Variants in COLGALT2 observed in about 807,000 individuals in gnomAD.
COLGALT2 encodes collagen beta(1-O)galactosyltransferase 2.
COLGALT2 carries 49 observed loss-of-function variants against 73.4 expected under a neutral mutation model. The observed-to-expected ratio is 0.67, with a 90% CI of 0.53 to 0.85. COLGALT2 has a LOEUF of 0.85. COLGALT2 is among the 40% of genes least tolerant of loss of function. The pLI is 0.00. For synonymous variants in COLGALT2, 295 were observed against 307.6 expected (o/e 0.96, Z 0.43); for missense variants, 722 against 790.2 (o/e 0.91, Z 1.03).
intron 8 of COLGALT2, chr1:183,945,774 G>T: frequency 1.7e-6 from 1 of 586,984 alleles, no homozygotes; most frequent in Non-Finnish European, 3.0e-6. Flanking sequence ...ATATTTTTGT[G>T]TATCCCTCAT....
At chr1:183,976,873 T>G (rs2102818602) in intron 2 of COLGALT2, among the ~76,000 whole-genome samples, 1 of 152,314 alleles carries the variant, frequency 6.6e-6, no homozygotes, top group Middle Eastern at 3.4e-3. Context: ...AGAATAGGTT[T>G]CTATAGTAGG....
Position 183,936,420 on chromosome 1 carries a change from T to C in COLGALT2, c.*2341A>G. On this transcript the variant is annotated 3_prime_UTR_variant, in exon 12 of 12. Transcript: ENST00000361927. ...AACCGGGCTAAAGGAGACAGAACTT[T>C]CTTCACAGTAGAACAGTCCTAGTCT... 1 of 986,362 alleles carries C rather than the reference T, an allele frequency of 1.0e-6. No homozygotes were observed. Among genetic ancestry groups the C allele is most frequent in the South Asian group, 4.7e-5 (1 of 21,278 alleles). 61.1% of individuals were successfully genotyped at this position (986,362 alleles called of 1,614,324 possible). A position where few individuals can be genotyped will look rare whatever the true frequency, so the allele number is the denominator to read the frequency against.
intron 8 of COLGALT2, 77 bp from the exon 9 acceptor site, chr1:183,945,641 GT>G: frequency 1.3e-6 from 2 of 1,537,212 alleles, no homozygotes; most frequent in Non-Finnish European, 1.8e-6. Context: ...GAGAGAGTTA[GT>G]TCTGCAAACA....
intron 6 of COLGALT2, 127 bp from the exon 7 acceptor site, chr1:183,954,965 G>T: frequency 1.4e-6 from 1 of 714,018 alleles, no homozygotes. Context: ...GACAATGGCA[G>T]CAGTTCTCCA....
chr1:183,939,908 G>A (rs1670062070), intron 11 of COLGALT2, among the ~76,000 whole-genome samples: 1 of 152,224 alleles, frequency 6.6e-6, no homozygotes, highest in Non-Finnish European at 1.5e-5. Flanking sequence ...AGAGGCATAA[G>A]ACTGTTACTG....
rs765233690 is a variant in COLGALT2, at chr1:183,975,142, C to T, written c.447G>A (p.Gln149=). The T allele has an allele frequency of 4.3e-6, 7 of 1,614,122 alleles. No homozygotes were observed. In the Admixed American group the frequency reaches 1.2e-4, roughly 27 times the overall value. The change falls in exon 3 of 12, where the codon CAG becomes CAA. Residue 149 remains glutamine (Q), a synonymous_variant. Coordinates refer to ENST00000361927, the MANE Select transcript of COLGALT2 (RefSeq NM_015101.4). ...SRFAHVMKLR[Q]AALRTAREKW... ...TTTCCCTCGCAGTTCGAAGGGCTGC[C>T]TGTCGTAGTTTCATCACATGGGCAA... is the stretch of plus-strand genomic sequence containing the variant.
At chr1:184,031,904 T>C (rs537232036) in intron 1 of COLGALT2, among the ~76,000 whole-genome samples, 136 of 152,044 alleles carry the variant, frequency 8.9e-4, no homozygotes, top group African/African-American at 3.1e-3. Flanking sequence ...TTTTCCTTTT[T>C]CTTTTCTTTT....
chr1:183,943,650 A>G (rs11803131), intron 10 of COLGALT2, among the ~76,000 whole-genome samples: 49,288 of 151,960 alleles, frequency 0.32, 8,254 homozygotes, highest in East Asian at 0.58. Context: ...TTCCTGCATC[A>G]GCCTCAGACC....
chr1:183,969,741 G>A (rs76678383), intron 4 of COLGALT2, among the ~76,000 whole-genome samples: 2,895 of 152,262 alleles, frequency 0.019, 101 homozygotes, highest in African/African-American at 0.066. Context: ...TCATAAAAGT[G>A]TATTTTATGT....
rs766738828 is a variant in COLGALT2, at chr1:184,017,417, A to T, written c.263+19678T>A. Among the ~76,000 whole-genome samples the T allele has an allele frequency of 2.0e-5, 3 of 152,120 alleles. No individual in the cohort carries two copies. In the East Asian group the frequency reaches 5.8e-4, roughly 29 times the overall value. On this transcript the variant is annotated intron_variant, in intron 1 of 11. Transcript: ENST00000361927. The stretch of plus-strand genomic sequence containing the variant: ...ATTGTTGTTTCTCCTCCGGCCCTCA[A>T]TTACTTTTGATACCAGCCAGACGGC...
At chr1:183,959,927 G>A (rs1381155044) in intron 6 of COLGALT2, among the ~76,000 whole-genome samples, 3 of 152,008 alleles carry the variant, frequency 2.0e-5, no homozygotes, top group Admixed American at 2.0e-4. Flanking sequence ...GTCTTTACAT[G>A]TGCTGTTCTT....
chr1:183,972,251 G>A (rs1235420822), intron 4 of COLGALT2, among the ~76,000 whole-genome samples: 1 of 152,172 alleles, frequency 6.6e-6, no homozygotes, highest in East Asian at 1.9e-4. Flanking sequence ...AACTATAGGT[G>A]TGCACGACAC....
chr1:183,970,481 C>T (rs1671007207), intron 4 of COLGALT2, among the ~76,000 whole-genome samples: 1 of 152,216 alleles, frequency 6.6e-6, no homozygotes, highest in South Asian at 2.1e-4. Context: ...TCAGCATCCA[C>T]ACATAAGGTG....
At chr1:183,944,704 G>A (rs1670204591) in intron 9 of COLGALT2, among the ~76,000 whole-genome samples, 1 of 152,162 alleles carries the variant, frequency 6.6e-6, no homozygotes, top group Non-Finnish European at 1.5e-5. Flanking sequence ...GTGCTTGTGG[G>A]ATGCTGGTTA....
chr1:184,013,556 A>G (rs1010443445), intron 1 of COLGALT2, among the ~76,000 whole-genome samples: 1 of 152,184 alleles, frequency 6.6e-6, no homozygotes, highest in Non-Finnish European at 1.5e-5. Context: ...TTGCAGCATG[A>G]GGGAAGAATG....
In COLGALT2 at chr1:183,969,451, T is replaced by C. The variant is rs1670976819; in HGVS notation, c.650A>G (p.Asp217Gly). ...CTTCCATTCTCGAATCTGAACGTAG[T>C]CTGGGGTCCTCTTATAGAAGCCCTG... ...TPKGFYKRTP[D>G]YVQIREWKRT... is the part of the protein sequence containing the mutation. The change falls in exon 5 of 12, where the codon GAC (aspartate) becomes GGC (glycine). Residue 217 changes from aspartate to glycine, a missense_variant. Asp to Gly is a moderately conservative substitution (Grantham distance 94, BLOSUM62 -1). Coordinates refer to ENST00000361927, the MANE Select transcript of COLGALT2 (RefSeq NM_015101.4). 5 of 1,612,156 alleles carry C rather than the reference T, an allele frequency of 3.1e-6. No individual in the cohort carries two copies. In the African/African-American group the frequency reaches 5.3e-5, roughly 17 times the overall value.
At chr1:183,969,738 A>G (rs549883389) in intron 4 of COLGALT2, among the ~76,000 whole-genome samples, 2 of 152,340 alleles carry the variant, frequency 1.3e-5, no homozygotes, top group African/African-American at 4.8e-5. Flanking sequence ...ATTTCATAAA[A>G]GTGTATTTTA....
At chr1:184,014,326 C>T (rs1429143617) in intron 1 of COLGALT2, among the ~76,000 whole-genome samples, 1 of 152,052 alleles carries the variant, frequency 6.6e-6, no homozygotes, top group Non-Finnish European at 1.5e-5. Context: ...TGAGCGAAGG[C>T]ACTGTTATAA....
In COLGALT2 at chr1:183,936,809, G is replaced by T; in HGVS notation, c.*1952C>A. 1 of 1,231,674 alleles carries T rather than the reference G, an allele frequency of 8.1e-7. No homozygotes were observed. The highest frequency in any genetic ancestry group is 4.1e-5 in the South Asian group (1 of 24,288). 76.3% of individuals were successfully genotyped at this position (1,231,674 alleles called of 1,614,324 possible). On this transcript the variant is annotated 3_prime_UTR_variant, in exon 12 of 12. Coordinates refer to ENST00000361927, the MANE Select transcript of COLGALT2 (RefSeq NM_015101.4). ...TAAGCGGCACAATTTAGAGTTGGGT[G>T]AGTTCCCTTTCCTCCAGCGGCCTAG...
Sources: allele counts gnomAD v4.1 joint callset (sites outside exome capture counted in the v4.1 genomes callset), GRCh38; gene constraint gnomAD v4.1.1; transcripts MANE v1.5; gene names NCBI Gene and HGNC (gene_info 2026-07-23, HGNC 2026-07-21).